The following CCDC57 variants were observed in gnomAD, a reference collection of about 807,000 sequenced individuals.
CCDC57 encodes the protein coiled-coil domain containing 57, also known as coiled-coil domain-containing protein 57.
A neutral mutation model predicts 118.9 loss-of-function variants in CCDC57; 118 were observed. The ratio of observed to expected loss-of-function variants is 0.99; its 90% CI spans 0.86 to 1.16. CCDC57 has a LOEUF of 1.16. Ranked by LOEUF, CCDC57 falls within the 50% of genes most tolerant of loss-of-function variation. The pLI is 0.00. For synonymous variants in CCDC57, 527 were observed against 532.9 expected (o/e 0.99, Z 0.15); for missense variants, 1,300 against 1,320.7 (o/e 0.98, Z 0.24).
intron 19 of CCDC57, among the ~76,000 whole-genome samples, chr17:82,117,743 C>CAAAAAACA (rs2036107335): frequency 6.6e-6 from 1 of 151,126 alleles, no homozygotes; most frequent in Non-Finnish European, 1.5e-5. Context: ...TCAGATTGGC[C>CAAAAAACA]AACAAACAAA....
chr17:82,124,307 C>A (rs951238573), intron 19 of CCDC57, among the ~76,000 whole-genome samples: 2 of 152,144 alleles, frequency 1.3e-5, no homozygotes, highest in African/African-American at 4.8e-5. Flanking sequence ...ACAGAACAGG[C>A]CCTATCTGCA....
intron 16 of CCDC57, among the ~76,000 whole-genome samples, chr17:82,140,206 C>T (rs368719691): frequency 1.5e-3 from 231 of 152,278 alleles, no homozygotes; most frequent in African/African-American, 5.3e-3. Context: ...CTCCATCAGC[C>T]TCCCGAGTAG....
intron 19 of CCDC57, among the ~76,000 whole-genome samples, chr17:82,102,900 CAA>C (rs1237887329): frequency 6.8e-6 from 1 of 146,646 alleles, no homozygotes; most frequent in Non-Finnish European, 1.5e-5. Context: ...AAAAAAAAAA[CAA>C]AAAAAACCCC....
At chr17:82,165,221 T>C (rs1217213657) in intron 13 of CCDC57, among the ~76,000 whole-genome samples, 2 of 152,134 alleles carry the variant, frequency 1.3e-5, no homozygotes, top group Non-Finnish European at 2.9e-5. Context: ...GAAGAATCTA[T>C]CACTACATGT....
chr17:82,107,881 C>T (rs2034978254), intron 19 of CCDC57, among the ~76,000 whole-genome samples: 1 of 152,172 alleles, frequency 6.6e-6, no homozygotes, highest in African/African-American at 2.4e-5. Context: ...ACAGAACAGG[C>T]TTTTCTAAAG....
At chr17:82,146,755 A>G (rs12603050) in intron 16 of CCDC57, among the ~76,000 whole-genome samples, 71,165 of 152,146 alleles carry the variant, frequency 0.47, 17,450 homozygotes, top group East Asian at 0.88. Flanking sequence ...ATACAAATGC[A>G]TGTGTGCACA....
At chr17:82,167,700 T>C (rs7503212) in intron 13 of CCDC57, among the ~76,000 whole-genome samples, 116,626 of 151,750 alleles carry the variant, frequency 0.77, 45,030 homozygotes, top group East Asian at 0.95. Context: ...AGGCTAGTCT[T>C]GAACTCCTGA....
At chr17:82,154,565 T>G (rs910561722) in intron 15 of CCDC57, 2 of 152,754 alleles carry the variant, frequency 1.3e-5, no homozygotes, top group Non-Finnish European at 2.9e-5. Context: ...ATCTCTCCTG[T>G]GCAGGGTCCA....
At chr17:82,167,647 G>A (rs1453302626) in intron 13 of CCDC57, among the ~76,000 whole-genome samples, 21 of 151,780 alleles carry the variant, frequency 1.4e-4, no homozygotes, top group Admixed American at 1.4e-3. Context: ...AACCACACCC[G>A]GCCAATTTTT....
chr17:82,203,254 G>A (rs2049208969), intron 2 of CCDC57, among the ~76,000 whole-genome samples: 1 of 152,022 alleles, frequency 6.6e-6, no homozygotes, highest in South Asian at 2.1e-4. Flanking sequence ...TTCACCTTCC[G>A]CCATGAGTAA....
intron 13 of CCDC57, among the ~76,000 whole-genome samples, chr17:82,164,039 C>T (rs1349966499): frequency 2.0e-5 from 3 of 151,688 alleles, no homozygotes; most frequent in Non-Finnish European, 4.4e-5. Flanking sequence ...GACCCTGTCA[C>T]ACACACACAC....
At chr17:82,194,319 T>TTTTC (rs2048039145) in intron 5 of CCDC57, 180 bp from the exon 5 acceptor site, 17 of 649,840 alleles carry the variant, frequency 2.6e-5, no homozygotes, top group South Asian at 9.2e-5. Flanking sequence ...CTTTTTTTTT[T>TTTTC]TTCTTTTTGG....
intron 2 of CCDC57, among the ~76,000 whole-genome samples, chr17:82,203,876 T>C (rs1208539484): frequency 6.6e-6 from 1 of 152,104 alleles, no homozygotes; most frequent in Non-Finnish European, 1.5e-5. Flanking sequence ...AGGGTACCTC[T>C]GTATCTCCGG....
intron 19 of CCDC57, chr17:82,126,399 A>G (rs1337700385): frequency 1.0e-6 from 1 of 982,274 alleles, no homozygotes; most frequent in East Asian, 1.1e-4. Context: ...AAGAACTGGG[A>G]GAAAACATTT....
intron 16 of CCDC57, among the ~76,000 whole-genome samples, chr17:82,145,286 C>T (rs1354169580): frequency 6.7e-6 from 1 of 149,090 alleles, no homozygotes; most frequent in Non-Finnish European, 1.5e-5. Context: ...GTGGCTCACA[C>T]CTGTAATCCC....
At chr17:82,181,483 C>CA (rs2046203217) in intron 9 of CCDC57, among the ~76,000 whole-genome samples, 1 of 152,122 alleles carries the variant, frequency 6.6e-6, no homozygotes, top group African/African-American at 2.4e-5. Context: ...TGCAGCCAAA[C>CA]AAAAAACAGC....
At chr17:82,209,812 G>T (rs2050042969) in intron 1 of CCDC57, among the ~76,000 whole-genome samples, 1 of 152,218 alleles carries the variant, frequency 6.6e-6, no homozygotes, top group East Asian at 1.9e-4. Flanking sequence ...CAGAGACACA[G>T]ATATACTGAA....
rs774970452 is a variant in CCDC57 at position 82,172,887 on chromosome 17, C to T, written c.1507-27G>A. 1.9e-6 allele frequency: 3 copies of T among 1,583,922 alleles called. No individual in the cohort carries two copies. Among genetic ancestry groups the T allele is most frequent in the Non-Finnish European group, 2.6e-6 (3 of 1,161,376 alleles). Reference sequence around the variant, plus strand: ...TGTCAAATACAAGGAAAAATGGCTACAAAAAGATGAATGGTTCCCCAGCTT... The same window carrying T: ...TGTCAAATACAAGGAAAAATGGCTATAAAAAGATGAATGGTTCCCCAGCTT... On this transcript the variant is annotated intron_variant, in intron 11 of 19. Transcript: ENST00000665763. This position sits in a 1 kb window ranked among gnomAD's most constrained non-coding sequence, Gnocchi z 5.2.
intron 2 of CCDC57, among the ~76,000 whole-genome samples, chr17:82,204,268 G>T (rs568532071): frequency 6.6e-6 from 1 of 152,146 alleles, no homozygotes; most frequent in Non-Finnish European, 1.5e-5. Flanking sequence ...AGCTAACAGG[G>T]TCCCTACCGA....
Sources: allele counts gnomAD v4.1 joint callset (sites outside exome capture counted in the v4.1 genomes callset), GRCh38; gene constraint gnomAD v4.1.1; non-coding constraint Gnocchi (gnomAD v3.1); transcripts MANE v1.5; gene names NCBI Gene and HGNC (gene_info 2026-07-23, HGNC 2026-07-21).